Variants in RAD51B observed in about 807,000 individuals in gnomAD.
The protein encoded by RAD51B is RAD51 paralog B, also known as DNA repair protein RAD51 homolog 2.
RAD51B carries 38 observed loss-of-function variants against 42.2 expected under a neutral mutation model. That is an observed-to-expected ratio of 0.90 (90% CI 0.70 to 1.18). RAD51B has a LOEUF of 1.18. Among genes scored for constraint, RAD51B ranks in the 50% most tolerant of loss-of-function variants. RAD51B has a pLI of 0.00. For synonymous variants in RAD51B, 154 were observed against 145.2 expected (o/e 1.06, Z -0.43); for missense variants, 373 against 400.7 (o/e 0.93, Z 0.59).
chr14:67,873,701 A>G (rs1266922114), intron 5 of RAD51B, among the ~76,000 whole-genome samples: 1 of 148,594 alleles, frequency 6.7e-6, no homozygotes, highest in Non-Finnish European at 1.5e-5. Flanking sequence ...ATGTCCAACA[A>G]TGATAGACTG....
chr14:68,087,763 A>T (rs554734015), intron 7 of RAD51B, among the ~76,000 whole-genome samples: 1 of 148,684 alleles, frequency 6.7e-6, no homozygotes, highest in Non-Finnish European at 1.5e-5. Context: ...TTAAATAAAT[A>T]AGAACTGATA....
chr14:68,083,703 A>C (rs2076946280), intron 7 of RAD51B, among the ~76,000 whole-genome samples: 1 of 152,250 alleles, frequency 6.6e-6, no homozygotes, highest in Admixed American at 6.5e-5. Flanking sequence ...ATAGAAAAAA[A>C]GTAAGTTGCC....
chr14:67,930,922 T>C (rs1180060734), intron 7 of RAD51B, among the ~76,000 whole-genome samples: 1 of 150,642 alleles, frequency 6.6e-6, no homozygotes, highest in Admixed American at 6.6e-5. Flanking sequence ...TATTTCTTTT[T>C]TTTTTTTCTT....
chr14:67,934,457 C>T (rs1000967011), intron 7 of RAD51B, among the ~76,000 whole-genome samples: 4 of 151,968 alleles, frequency 2.6e-5, no homozygotes, highest in African/African-American at 9.7e-5. Context: ...TTGTTGCTTA[C>T]CATTGTTTCA....
chr14:68,231,679 T>C (rs1481888596), intron 7 of RAD51B, among the ~76,000 whole-genome samples: 1 of 152,232 alleles, frequency 6.6e-6, no homozygotes, highest in African/African-American at 2.4e-5. Flanking sequence ...TATTTGTATG[T>C]ATATATGAGA....
chr14:68,642,275 T>C (rs1054656604), intron 10 of RAD51B, among the ~76,000 whole-genome samples: 24 of 152,236 alleles, frequency 1.6e-4, no homozygotes, highest in Non-Finnish European at 2.9e-5. Context: ...TTGATTCAAT[T>C]TCTTTAATAG....
At chr14:68,502,370 G>A (rs933941617) in intron 10 of RAD51B, among the ~76,000 whole-genome samples, 1 of 152,158 alleles carries the variant, frequency 6.6e-6, no homozygotes, top group Admixed American at 6.5e-5. Flanking sequence ...AGGGAGGGGG[G>A]CGCACAGCTG....
In RAD51B at chr14:68,345,236, A is replaced by G. The variant is rs140473342; in HGVS notation, c.853+53256A>G. ...GACTTGGGAGAACTATTGAGAAAGG[A>G]TGATTATATTTTGCAATGTGAGAAG... On this transcript the variant is annotated intron_variant, in intron 8 of 10. Coordinates refer to ENST00000471583, the MANE Select transcript of RAD51B (RefSeq NM_133510.4). 7.0e-3 allele frequency among the ~76,000 whole-genome samples: 1,062 copies of G among 152,262 alleles called. 7 individuals carry two copies. Among genetic ancestry groups the G allele is most frequent in the South Asian group, 0.025 (119 of 4,824 alleles).
intron 7 of RAD51B, among the ~76,000 whole-genome samples, chr14:68,097,345 C>A (rs4902548): frequency 0.1 from 15,170 of 151,854 alleles, 2,257 homozygotes; most frequent in African/African-American, 0.33. Context: ...GTCTCTAAGG[C>A]ATGCCATGTA....
At chr14:67,820,405 A>G (rs1490846087) in intron 1 of RAD51B, among the ~76,000 whole-genome samples, 1 of 152,078 alleles carries the variant, frequency 6.6e-6, no homozygotes, top group Non-Finnish European at 1.5e-5. Flanking sequence ...ATTAGCTAAT[A>G]TTGTTCCTAA....
intron 7 of RAD51B, among the ~76,000 whole-genome samples, chr14:68,060,570 T>G (rs1462618695): frequency 6.6e-6 from 1 of 152,228 alleles, no homozygotes; most frequent in Non-Finnish European, 1.5e-5. Context: ...CTCCTGATCT[T>G]GTTACATTGT....
At chr14:67,846,242 G>A (rs1477035851) in intron 4 of RAD51B, among the ~76,000 whole-genome samples, 3 of 152,200 alleles carry the variant, frequency 2.0e-5, no homozygotes, top group Admixed American at 1.3e-4. Flanking sequence ...ATGGGGTAGT[G>A]CGGTGCTGGC....
chr14:68,548,234 C>T (rs1594962422), intron 10 of RAD51B, among the ~76,000 whole-genome samples: 1 of 152,332 alleles, frequency 6.6e-6, no homozygotes, highest in East Asian at 1.9e-4. Context: ...TGAGTTCATC[C>T]ATCAGGACCC....
intron 10 of RAD51B, among the ~76,000 whole-genome samples, chr14:68,549,216 T>C (rs1888387140): frequency 6.6e-6 from 1 of 151,578 alleles, no homozygotes; most frequent in South Asian, 2.1e-4. Flanking sequence ...AACATCCCCG[T>C]TTTTGAGCCA....
At chr14:68,046,906 A>G (rs1376951382) in intron 7 of RAD51B, among the ~76,000 whole-genome samples, 2 of 151,444 alleles carry the variant, frequency 1.3e-5, no homozygotes, top group Non-Finnish European at 2.9e-5. Context: ...TTAAAAATAT[A>G]TTTTTAAAAA....
intron 11 of RAD51B, among the ~76,000 whole-genome samples, chr14:68,680,379 G>C (rs1893400675): frequency 6.6e-6 from 1 of 152,128 alleles, no homozygotes; most frequent in Non-Finnish European, 1.5e-5. Context: ...CATAACTCAA[G>C]CACATAGATG....
intron 7 of RAD51B, among the ~76,000 whole-genome samples, chr14:68,139,062 A>G (rs990551480): frequency 1.2e-4 from 18 of 152,010 alleles, no homozygotes; most frequent in African/African-American, 3.9e-4. Context: ...AGCAGCTTTT[A>G]TTTTTAAAAA....
At chr14:67,999,060 T>G (rs1338901113) in intron 7 of RAD51B, among the ~76,000 whole-genome samples, 1 of 151,926 alleles carries the variant, frequency 6.6e-6, no homozygotes, top group African/African-American at 2.4e-5. Flanking sequence ...GGGGTTATCA[T>G]TCCTTGTGGT....
Position 68,456,869 on chromosome 14 carries a change from A to ATTTTTTTTTTTTTTT in RAD51B, c.958-11265_958-11251dup, listed in dbSNP as rs71129889. ...AAACTTCTCCAATCACAATGGAATGATTTTTTTTTTTTTTTTTTTTTTTTT... is the reference window on the plus strand; with the variant it reads ...AAACTTCTCCAATCACAATGGAATGATTTTTTTTTTTTTTTTTTTTTTTTTTTTTTTTTTTTTTTT... On this transcript the variant is annotated intron_variant, in intron 9 of 10. Transcript: ENST00000471583. Among the ~76,000 whole-genome samples, 9 of 66,462 alleles carry ATTTTTTTTTTTTTTT rather than the reference A, an allele frequency of 1.4e-4. 2 individuals are homozygous for ATTTTTTTTTTTTTTT. Among genetic ancestry groups the ATTTTTTTTTTTTTTT allele is most frequent in the Non-Finnish European group, 2.1e-4 (7 of 32,924 alleles). 43.6% of individuals were successfully genotyped at this position (66,462 alleles called of 152,430 possible). A position where few individuals can be genotyped will look rare whatever the true frequency, so the allele number is the denominator to read the frequency against.
Sources: allele counts gnomAD v4.1 joint callset (sites outside exome capture counted in the v4.1 genomes callset), GRCh38; gene constraint gnomAD v4.1.1; transcripts MANE v1.5; gene names NCBI Gene and HGNC (gene_info 2026-07-23, HGNC 2026-07-21).